Variants in MORC1 observed in about 807,000 individuals in gnomAD.
The protein encoded by MORC1 is MORC family CW-type zinc finger protein 1.
A neutral mutation model predicts 134.9 loss-of-function variants in MORC1; 59 were observed. The ratio of observed to expected loss-of-function variants is 0.44; its 90% CI spans 0.35 to 0.54. The LOEUF (loss-of-function observed/expected upper bound fraction) is 0.54, where lower values mean the gene tolerates loss of function less well. MORC1 is among the 20% of genes least tolerant of loss of function. The pLI, the probability that MORC1 is intolerant of heterozygous loss-of-function variation, is 0.00. For synonymous variants in MORC1, 395 were observed against 391.7 expected (o/e 1.01, Z -0.10); for missense variants, 947 against 1,134.5 (o/e 0.83, Z 2.37).
At chr3:109,000,276 T>C (rs1336828099) in intron 21 of MORC1, among the ~76,000 whole-genome samples, 19 of 152,302 alleles carry the variant, frequency 1.2e-4, no homozygotes, top group Admixed American at 1.2e-3. Context: ...AACTTTTGTA[T>C]ATTTTTGCCT....
At chr3:108,993,750 A>C (rs2107497491) in intron 21 of MORC1, among the ~76,000 whole-genome samples, 1 of 152,308 alleles carries the variant, frequency 6.6e-6, no homozygotes, top group Middle Eastern at 3.4e-3. Context: ...TCTAGGGTGA[A>C]TGCAGTTGAT....
At chr3:109,004,010 G>A (rs1045336625) in intron 20 of MORC1, among the ~76,000 whole-genome samples, 8 of 152,192 alleles carry the variant, frequency 5.3e-5, no homozygotes, top group Non-Finnish European at 1.0e-4. Flanking sequence ...GAAGCTTGCA[G>A]TGAGCTGAGA....
At chr3:109,088,533 A>G (rs1051805388) in intron 8 of MORC1, among the ~76,000 whole-genome samples, 1 of 152,164 alleles carries the variant, frequency 6.6e-6, no homozygotes, top group Non-Finnish European at 1.5e-5. Flanking sequence ...CACCAGTCAG[A>G]ATGGCAATTA....
intron 20 of MORC1, 135 bp downstream of exon 20, chr3:109,004,682 G>T: frequency 1.2e-6 from 1 of 828,102 alleles, no homozygotes; most frequent in Non-Finnish European, 1.9e-6. Flanking sequence ...TCAGAACCTT[G>T]ATTACAGGGT....
intron 14 of MORC1, among the ~76,000 whole-genome samples, chr3:109,048,783 C>T (rs546345336): frequency 5.3e-4 from 81 of 151,986 alleles, no homozygotes; most frequent in Non-Finnish European, 9.9e-4. Context: ...GTATGAATTT[C>T]CTCTTCTTAT....
chr3:108,959,340 G>A (rs1383715840), intron 27 of MORC1, among the ~76,000 whole-genome samples: 1 of 152,086 alleles, frequency 6.6e-6, no homozygotes, highest in East Asian at 1.9e-4. Flanking sequence ...ATTCTGTAGT[G>A]GAAGTTAGTA....
chr3:109,104,714 G>A (rs956092016), intron 3 of MORC1, among the ~76,000 whole-genome samples: 2 of 152,044 alleles, frequency 1.3e-5, no homozygotes, highest in African/African-American at 4.8e-5. Flanking sequence ...ACTAATTTTA[G>A]TGCCCAGTTT....
At chr3:108,979,409 T>A in intron 24 of MORC1, 106 bp downstream of exon 24, 1 of 1,227,104 alleles carries the variant, frequency 8.1e-7, no homozygotes, top group East Asian at 2.3e-5. Flanking sequence ...GTCACTCTAC[T>A]GAATTTATTC....
At chr3:109,116,316 A>ACCCTTGTC (rs1951273200) in intron 1 of MORC1, among the ~76,000 whole-genome samples, 1 of 152,234 alleles carries the variant, frequency 6.6e-6, no homozygotes, top group African/African-American at 2.4e-5. Context: ...AGTAGTCTGG[A>ACCCTTGTC]CAAGGGACAG....
chr3:109,057,540 GT>G, intron 12 of MORC1, 54 bp from the exon 13 acceptor site: 1 of 1,437,818 alleles, frequency 7.0e-7, no homozygotes. Flanking sequence ...AACATACACA[GT>G]TTAGGAAACT....
At chr3:109,048,154 A>G (rs1356219572) in intron 14 of MORC1, among the ~76,000 whole-genome samples, 1 of 152,198 alleles carries the variant, frequency 6.6e-6, no homozygotes, top group Non-Finnish European at 1.5e-5. Context: ...TTACAAATAA[A>G]CTTAAGGAAG....
chr3:109,041,251 C>T (rs1248935308), intron 14 of MORC1, among the ~76,000 whole-genome samples: 1 of 151,570 alleles, frequency 6.6e-6, no homozygotes, highest in African/African-American at 2.4e-5. Context: ...GCAGAGCTTG[C>T]AGTGAGCCGA....
chr3:109,027,786 T>G lies in MORC1; in HGVS notation c.1669A>C (p.Lys557Gln). Residue 557 changes from lysine to glutamine, a missense_variant, in exon 17 of 28, where the codon AAG becomes CAG. Transcript: ENST00000232603. ...TGTTCTGCCAGTCTATTTTGATACT[T>G]TATGACCGACTCTCTAAGTTGCTTC... ...KEKQLRESVI[K>Q]YQNRLAEQQP... 6.2e-7 allele frequency: 1 copy of G among 1,613,888 alleles called. No homozygotes were observed. The highest frequency in any genetic ancestry group is 1.3e-5 in the African/African-American group (1 of 75,008).
intron 15 of MORC1, among the ~76,000 whole-genome samples, chr3:109,034,373 G>T (rs369779797): frequency 1.9e-4 from 29 of 152,220 alleles, no homozygotes; most frequent in Non-Finnish European, 4.1e-4. Flanking sequence ...ACAGATATTA[G>T]AGACTGTCTT....
At chr3:109,088,263 G>T (rs577370862) in intron 8 of MORC1, among the ~76,000 whole-genome samples, 2 of 152,152 alleles carry the variant, frequency 1.3e-5, no homozygotes, top group East Asian at 3.9e-4. Flanking sequence ...CACAGCAAAA[G>T]AAACTATCAA....
intron 3 of MORC1, 21 bp from the exon 4 acceptor site, chr3:109,103,938 T>C: frequency 2.5e-6 from 4 of 1,599,310 alleles, no homozygotes; most frequent in Non-Finnish European, 3.4e-6. Flanking sequence ...AAGCAGTTAT[T>C]ACTAATAAAT....
intron 3 of MORC1, 94 bp from the exon 4 acceptor site, chr3:109,104,011 T>A: frequency 2.6e-6 from 3 of 1,146,802 alleles, no homozygotes; most frequent in Non-Finnish European, 3.9e-6. Context: ...CTTCCTCCAA[T>A]GCAGCCACAG....
At chr3:109,072,948 CACACACACACACACACAT>C (rs1185784104) in intron 8 of MORC1, among the ~76,000 whole-genome samples, 7 of 56,300 alleles carry the variant, frequency 1.2e-4, no homozygotes, top group African/African-American at 3.2e-4. Context: ...CACACACACA[CACACACACACACACACAT>C]ACACACACAC....
chr3:109,027,656 A>G (rs1371956218), intron 17 of MORC1, 95 bp downstream of exon 17: 2 of 1,499,384 alleles, frequency 1.3e-6, no homozygotes, highest in Non-Finnish European at 1.8e-6. Flanking sequence ...GATTATACAC[A>G]TTTTATTGTG....
Sources: allele counts gnomAD v4.1 joint callset (sites outside exome capture counted in the v4.1 genomes callset), GRCh38; gene constraint gnomAD v4.1.1; transcripts MANE v1.5; gene names NCBI Gene and HGNC (gene_info 2026-07-23, HGNC 2026-07-21).